Variants in MTMR3 observed in about 807,000 individuals in gnomAD.
MTMR3 encodes myotubularin related protein 3.
MTMR3 carries 32 observed loss-of-function variants against 132.4 expected under a neutral mutation model. That is an observed-to-expected ratio of 0.24 (90% confidence interval 0.18 to 0.32). The LOEUF (loss-of-function observed/expected upper bound fraction) is 0.32, where lower values mean the gene tolerates loss of function less well. MTMR3 is among the 10% of genes least tolerant of loss of function. MTMR3 has a pLI of 1.00. For missense variants in MTMR3, 1,216 were observed against 1,489.6 expected (o/e 0.82, Z 3.02); for synonymous variants, 556 against 550.3 (o/e 1.01, Z -0.14).
rs1266045238 is a variant in MTMR3 at position 30,021,953 on chromosome 22, C to T, written c.3226-76C>T. The T allele has an allele frequency of 3.3e-6, 4 of 1,198,654 alleles. No individual in the cohort carries two copies. The East Asian group carries it at 9.4e-5, about 28-fold the overall frequency. The allele number at this position is 1,198,654 out of a possible 1,614,324, so 74.3% of individuals were successfully genotyped here. A position where few individuals can be genotyped will look rare whatever the true frequency, so the allele number is the denominator to read the frequency against. ...GCCCCACCCAGAGTCCTCAGTTCTCCCTTCTTCACCAGGCCTTTTCTTCTT... is the reference window on the plus strand; with the variant it reads ...GCCCCACCCAGAGTCCTCAGTTCTCTCTTCTTCACCAGGCCTTTTCTTCTT... On this transcript the variant is annotated intron_variant, in intron 17 of 19. Coordinates refer to ENST00000401950, the MANE Select transcript of MTMR3 (RefSeq NM_021090.4).
At chr22:29,925,210 T>G (rs532934262) in intron 1 of MTMR3, among the ~76,000 whole-genome samples, 144 of 152,274 alleles carry the variant, frequency 9.5e-4, no homozygotes, top group Non-Finnish European at 1.9e-3. Context: ...TTTTACTGTT[T>G]TTTGTAGAGA....
At chr22:29,891,327 G>A (rs752202311) in intron 1 of MTMR3, among the ~76,000 whole-genome samples, 1 of 148,608 alleles carries the variant, frequency 6.7e-6, no homozygotes, top group Non-Finnish European at 1.5e-5. Context: ...ATGTATGTAT[G>A]TGTGTGTGTG....
At position 29,921,860 on chromosome 22, in the gene MTMR3, T is replaced by C. The variant is rs368626213; in HGVS notation, c.-137-35176T>C. Among the ~76,000 whole-genome samples, 25 of 151,440 alleles carry C rather than the reference T, an allele frequency of 1.7e-4. No homozygotes were observed. The South Asian group carries it at 4.4e-3, about 27-fold the overall frequency. Reference sequence around the variant, plus strand: ...CCATGTCTTTTTTTTTTTTCTTTTTTTTTTTTGAGACAGAGTGTCACTCTA... The same window carrying C: ...CCATGTCTTTTTTTTTTTTCTTTTTCTTTTTTGAGACAGAGTGTCACTCTA... On this transcript the variant is annotated intron_variant, in intron 1 of 19. Coordinates refer to ENST00000401950, the MANE Select transcript of MTMR3 (RefSeq NM_021090.4).
intron 14 of MTMR3, chr22:30,014,502 C>CTTTTTT (rs56934428): frequency 5.1e-5 from 4 of 78,812 alleles, no homozygotes; most frequent in East Asian, 9.2e-4. Flanking sequence ...CCCTCCAGTT[C>CTTTTTT]TTTTTTTTTT....
intron 3 of MTMR3, among the ~76,000 whole-genome samples, chr22:29,973,012 A>T (rs2066566147): frequency 6.6e-6 from 1 of 152,240 alleles, no homozygotes; most frequent in Admixed American, 6.5e-5. Context: ...ATTCCTAATG[A>T]TCATTTTACT....
rs546018451 is a variant in MTMR3 at position 30,025,439 on chromosome 22, C to T, written c.3426-191C>T. On this transcript the variant is annotated intron_variant, in intron 19 of 19. Coordinates refer to ENST00000401950, the MANE Select transcript of MTMR3 (RefSeq NM_021090.4). Reference sequence around the variant, plus strand: ...ATCCTTGGCCCCAAAGTGAAAATGACATGTGACTCTGCTAGGTAGGGACAC... The same window carrying T: ...ATCCTTGGCCCCAAAGTGAAAATGATATGTGACTCTGCTAGGTAGGGACAC... 143 of 604,024 alleles carry T rather than the reference C, an allele frequency of 2.4e-4. 2 individuals are homozygous for T. In the Admixed American group the frequency reaches 3.8e-3, roughly 16 times the overall value. 37.4% of individuals were successfully genotyped at this position (604,024 alleles called of 1,614,324 possible).
At chr22:29,978,638 A>G in intron 4 of MTMR3, 107 bp downstream of exon 4, 1 of 791,510 alleles carries the variant, frequency 1.3e-6, no homozygotes, top group Non-Finnish European at 1.9e-6. Flanking sequence ...TATATAACAT[A>G]CATGTAGTAG....
intron 9 of MTMR3, chr22:30,005,934 C>A (rs1227209865): frequency 6.6e-6 from 1 of 152,152 alleles, no homozygotes; most frequent in Admixed American, 6.5e-5. Context: ...GGCAAGCTCC[C>A]TTAAGTAACT....
chr22:29,954,057 G>GTTTTTTTTTTTTT (rs753326368), intron 1 of MTMR3, among the ~76,000 whole-genome samples: 3 of 49,086 alleles, frequency 6.1e-5, no homozygotes, highest in African/African-American at 2.7e-4. Context: ...TTTCAAATGA[G>GTTTTTTTTTTTTT]TCTTTTTTTT....
At chr22:29,993,704 T>A (rs1449216705) in intron 7 of MTMR3, 1 of 152,244 alleles carries the variant, frequency 6.6e-6, no homozygotes, top group African/African-American at 2.4e-5. Context: ...CAGCAAACTC[T>A]TAGGATATTC....
chr22:29,955,959 C>T (rs186581552), intron 1 of MTMR3, among the ~76,000 whole-genome samples: 1 of 152,044 alleles, frequency 6.6e-6, no homozygotes, highest in Non-Finnish European at 1.5e-5. Context: ...GCTGTGTTGG[C>T]CAGGCTGGTC....
intron 1 of MTMR3, among the ~76,000 whole-genome samples, chr22:29,954,140 A>G (rs571395947): frequency 7.0e-6 from 1 of 142,602 alleles, no homozygotes; most frequent in Non-Finnish European, 1.5e-5. Flanking sequence ...AGAGTACAGC[A>G]TTGTAATCAT....
chr22:29,993,012 A>G (rs567835199), intron 7 of MTMR3: 2 of 148,600 alleles, frequency 1.3e-5, no homozygotes, highest in African/African-American at 4.9e-5. Flanking sequence ...CACTGACGAC[A>G]GAACTAGGAC....
At chr22:29,921,839 G>GTCTTTTTTTTTTT (rs1382856742) in intron 1 of MTMR3, among the ~76,000 whole-genome samples, 1 of 146,942 alleles carries the variant, frequency 6.8e-6, no homozygotes, top group Non-Finnish European at 1.5e-5. Context: ...GTACATCCAT[G>GTCTTTTTTTTTTT]TCTTTTTTTT....
chr22:30,007,301 C>G lies in MTMR3; in HGVS notation c.859C>G (p.Leu287Val), dbSNP rs202174195. 262 of 1,614,022 alleles carry G rather than the reference C, an allele frequency of 1.6e-4. 1 individual carries two copies. The highest frequency in any genetic ancestry group is 2.1e-4 in the Non-Finnish European group (245 of 1,180,036). The change falls in exon 10 of 20, where the codon CTT becomes GTT. Residue 287 changes from leucine (L) to valine (V), a missense_variant. By Grantham distance (32) the Leu-to-Val change is conservative. Transcript: ENST00000401950. ...TCGAGACTTTCCCAATGGGGGAGAC[C>G]TTTCTGACGTGGAGTTCGGTAAGGT... The part of the protein sequence containing the change: ...TSRDFPNGGD[L>V]SDVEFDSSLS...
At chr22:29,890,946 A>G (rs1177299821) in intron 1 of MTMR3, among the ~76,000 whole-genome samples, 1 of 152,048 alleles carries the variant, frequency 6.6e-6, no homozygotes, top group East Asian at 1.9e-4. Context: ...CCAGGAGTTC[A>G]AGGCTAAAGT....
chr22:29,973,328 C>T (rs1210507123), intron 3 of MTMR3, among the ~76,000 whole-genome samples: 1 of 152,172 alleles, frequency 6.6e-6, no homozygotes, highest in Non-Finnish European at 1.5e-5. Flanking sequence ...AAGTACAGTG[C>T]ACTCATATGA....
At chr22:29,884,381 A>G (rs902868863) in intron 1 of MTMR3, among the ~76,000 whole-genome samples, 1 of 151,972 alleles carries the variant, frequency 6.6e-6, no homozygotes, top group African/African-American at 2.4e-5. Flanking sequence ...GATTATTATT[A>G]TTTTTTTCAA....
intron 1 of MTMR3, among the ~76,000 whole-genome samples, chr22:29,926,961 A>G (rs906226145): frequency 6.6e-6 from 1 of 152,136 alleles, no homozygotes; most frequent in Non-Finnish European, 1.5e-5. Flanking sequence ...GAAGTTTAAT[A>G]GTTTTTGCAC....
Sources: allele counts gnomAD v4.1 joint callset (sites outside exome capture counted in the v4.1 genomes callset), GRCh38; gene constraint gnomAD v4.1.1; transcripts MANE v1.5; gene names NCBI Gene and HGNC (gene_info 2026-07-23, HGNC 2026-07-21).